The following KDM5B variants were observed in gnomAD, a reference collection of about 807,000 sequenced individuals.
KDM5B encodes the protein lysine-specific demethylase 5B.
In KDM5B, 144 loss-of-function variants were observed where a neutral mutation model predicts 193.4. The ratio of observed to expected loss-of-function variants is 0.74; its 90% CI spans 0.65 to 0.86. The LOEUF is 0.86. Ranked by LOEUF, KDM5B falls within the 40% of genes least tolerant of loss-of-function variation. The pLI is 0.00. For synonymous variants in KDM5B, 668 were observed against 682.6 expected (o/e 0.98, Z 0.33); for missense variants, 1,833 against 1,886.9 (o/e 0.97, Z 0.53).
intron 7 of KDM5B, among the ~76,000 whole-genome samples, chr1:202,761,410 C>T (rs562152551): frequency 6.6e-6 from 1 of 152,272 alleles, no homozygotes; most frequent in African/African-American, 2.4e-5. Context: ...TGTCACTATA[C>T]TCCAGCCATC....
At chr1:202,793,061 G>T (rs1249628263) in intron 1 of KDM5B, among the ~76,000 whole-genome samples, 1 of 151,346 alleles carries the variant, frequency 6.6e-6, no homozygotes, top group African/African-American at 2.4e-5. Context: ...CTAATTTCTA[G>T]GATCTATGAA....
chr1:202,751,919 A>G (rs1021845932), intron 12 of KDM5B, among the ~76,000 whole-genome samples: 2 of 152,136 alleles, frequency 1.3e-5, no homozygotes, highest in Non-Finnish European at 1.5e-5. Flanking sequence ...AGAAATACCA[A>G]CTATGAGGAG....
chr1:202,775,159 C>T (rs988965929), intron 2 of KDM5B, among the ~76,000 whole-genome samples: 13 of 151,612 alleles, frequency 8.6e-5, no homozygotes, highest in Non-Finnish European at 1.6e-4. Flanking sequence ...ATTGCTTGAA[C>T]TCAGGAGGCA....
chr1:202,761,722 G>C (rs1656256485), intron 7 of KDM5B, among the ~76,000 whole-genome samples: 1 of 152,142 alleles, frequency 6.6e-6, no homozygotes, highest in Admixed American at 6.6e-5. Flanking sequence ...AGAGGGCTCA[G>C]AAGAAATCAA....
intron 7 of KDM5B, 108 bp from the exon 8 acceptor site, chr1:202,760,681 T>C (rs2102272482): frequency 1.5e-6 from 1 of 685,516 alleles, no homozygotes; most frequent in East Asian, 3.0e-5. Context: ...CTCTACATCC[T>C]GCTACAAATG....
intron 1 of KDM5B, 86 bp from the exon 2 acceptor site, chr1:202,777,180 G>A (rs1238055715): frequency 1.9e-6 from 2 of 1,041,280 alleles, no homozygotes; most frequent in Non-Finnish European, 3.0e-6. Flanking sequence ...CCCAGGTTAG[G>A]TAAATCTTAT....
At chr1:202,784,973 G>A (rs958038009) in intron 1 of KDM5B, among the ~76,000 whole-genome samples, 1 of 148,490 alleles carries the variant, frequency 6.7e-6, no homozygotes, top group Admixed American at 6.8e-5. Flanking sequence ...GGCAAAGACT[G>A]CACTCCAGCC....
chr1:202,767,124 C>A, intron 4 of KDM5B, 64 bp from the exon 5 acceptor site: 1 of 1,596,980 alleles, frequency 6.3e-7, no homozygotes, highest in Non-Finnish European at 8.5e-7. Flanking sequence ...AGTTTATTGA[C>A]AAACATATCT....
At chr1:202,790,038 C>A (rs917771657) in intron 1 of KDM5B, among the ~76,000 whole-genome samples, 3 of 151,064 alleles carry the variant, frequency 2.0e-5, no homozygotes, top group Non-Finnish European at 2.9e-5. Context: ...GCGAGGCGGG[C>A]GGATCACCTG....
chr1:202,790,698 T>C (rs1299058396), intron 1 of KDM5B, among the ~76,000 whole-genome samples: 2 of 152,008 alleles, frequency 1.3e-5, no homozygotes, highest in Non-Finnish European at 2.9e-5. Context: ...CCAGCCTGGG[T>C]GACAGAGTGA....
chr1:202,745,725 A>G, intron 16 of KDM5B, 133 bp downstream of exon 16: 3 of 961,268 alleles, frequency 3.1e-6, no homozygotes, highest in Non-Finnish European at 4.9e-6. Context: ...GTGCTCTGTA[A>G]ACCGGGCTAT....
intron 24 of KDM5B, among the ~76,000 whole-genome samples, chr1:202,731,461 A>G (rs1654881251): frequency 6.6e-6 from 1 of 152,206 alleles, no homozygotes; most frequent in African/African-American, 2.4e-5. Context: ...CTGAGATGCT[A>G]TGACTAAGGA....
At chr1:202,779,216 T>G (rs1657090966) in intron 1 of KDM5B, among the ~76,000 whole-genome samples, 1 of 152,126 alleles carries the variant, frequency 6.6e-6, no homozygotes, top group Non-Finnish European at 1.5e-5. Context: ...ATACCAAGTT[T>G]ATCCTAAGAG....
intron 1 of KDM5B, among the ~76,000 whole-genome samples, chr1:202,785,539 G>C (rs1428181717): frequency 6.6e-6 from 1 of 152,296 alleles, no homozygotes; most frequent in South Asian, 2.1e-4. Flanking sequence ...TGAATAAAGG[G>C]ATAATTGTGA....
intron 20 of KDM5B, among the ~76,000 whole-genome samples, chr1:202,740,208 C>T (rs1223837177): frequency 2.7e-5 from 4 of 148,376 alleles, no homozygotes; most frequent in Admixed American, 6.6e-5. Flanking sequence ...ACCTCCCGGA[C>T]GGGGCGGCTG....
intron 22 of KDM5B, among the ~76,000 whole-genome samples, chr1:202,734,251 A>G (rs544332661): frequency 6.7e-6 from 1 of 149,500 alleles, no homozygotes; most frequent in South Asian, 2.2e-4. Flanking sequence ...GATTCACCAG[A>G]TGAAGCACCC....
intron 5 of KDM5B, chr1:202,766,336 C>CTG (rs1321491420): frequency 1.6e-5 from 5 of 307,968 alleles, no homozygotes; most frequent in Non-Finnish European, 3.2e-5. Flanking sequence ...AAATCGGTCT[C>CTG]TACTAAAAAT....
At chr1:202,742,193 A>C (rs1466317298) in intron 18 of KDM5B, among the ~76,000 whole-genome samples, 198 bp downstream of exon 18, 1 of 152,064 alleles carries the variant, frequency 6.6e-6, no homozygotes, top group African/African-American at 2.4e-5. Flanking sequence ...TCAAAGTAAA[A>C]ATTTCCAACT....
rs148131534 is a variant in KDM5B at position 202,731,914 on chromosome 1, G to A, written c.3935C>T (p.Ser1312Leu). 9.3e-6 allele frequency: 15 copies of A among 1,613,044 alleles called. No individual in the cohort carries two copies. The African/African-American group carries it at 1.9e-4, about 20-fold the overall frequency. The change falls in exon 24 of 27, where the codon TCA becomes TTA. Residue 1312 changes from serine (S) to leucine (L), a missense_variant. Coordinates refer to ENST00000367265, the MANE Select transcript of KDM5B (RefSeq NM_006618.5). ...GTCCCAGTCATCAGGCAAAGAAAAT[G>A]ATGTTGTGCCAGGAGGTTGAGATAC... ...NKVSQPPGTT[S>L]FSLPDDWDNR...
Sources: gnomAD v4.1 joint callset for allele counts (sites outside exome capture counted in the v4.1 genomes callset) on GRCh38, gnomAD v4.1.1 for gene constraint, MANE v1.5 for transcripts, NCBI Gene and HGNC (gene_info 2026-07-23, HGNC 2026-07-21) for gene names.